The following CAPZA1 variants were observed in gnomAD, a reference collection of about 807,000 sequenced individuals.
CAPZA1 encodes the protein F-actin-capping protein subunit alpha-1.
CAPZA1 carries 10 observed loss-of-function variants against 40.8 expected under a neutral mutation model. The ratio of observed to expected loss-of-function variants is 0.25; its 90% CI spans 0.15 to 0.42. The LOEUF is 0.42. CAPZA1 is among the 10% of genes least tolerant of loss of function. CAPZA1 has a pLI of 1.00. For missense variants in CAPZA1, 277 were observed against 353.8 expected (o/e 0.78, Z 1.74); for synonymous variants, 98 against 115.0 (o/e 0.85, Z 0.95).
At chr1:112,661,526 G>C (rs1377575865) in intron 7 of CAPZA1, among the ~76,000 whole-genome samples, 1 of 152,110 alleles carries the variant, frequency 6.6e-6, no homozygotes, top group South Asian at 2.1e-4. Context: ...TTGTCTTGGG[G>C]TCTCCTTCTG....
At chr1:112,656,440 A>ATTTT (rs56343358) in intron 5 of CAPZA1, among the ~76,000 whole-genome samples, 14,200 of 45,300 alleles carry the variant, frequency 0.31, 4,780 homozygotes, top group East Asian at 0.65. Context: ...ATTATGTTTG[A>ATTTT]TTTTTTTTTT....
intron 5 of CAPZA1, among the ~76,000 whole-genome samples, chr1:112,657,807 G>T (rs1047262080): frequency 6.6e-6 from 1 of 152,104 alleles, no homozygotes; most frequent in African/African-American, 2.4e-5. Flanking sequence ...GGCCGGGCTG[G>T]TCTTGAACTC....
At chr1:112,647,139 T>A in intron 1 of CAPZA1, 71 bp from the exon 2 acceptor site, 1 of 717,940 alleles carries the variant, frequency 1.4e-6, no homozygotes, top group Non-Finnish European at 2.2e-6. Flanking sequence ...AATTTATAAT[T>A]TGTTAATTAT....
rs200967103 is a variant in CAPZA1, at chr1:112,667,063, G to A, written c.586-11G>A. ...CTTCCCCTAAAAAGGCTCAAACATT[G>A]TCTCACACAGGTTCACTATTATGAA... On this transcript the variant is annotated splice_polypyrimidine_tract_variant and intron_variant, in intron 7 of 9. Coordinates refer to ENST00000263168, the MANE Select transcript of CAPZA1 (RefSeq NM_006135.3). The A allele has an allele frequency of 5.6e-6, 9 of 1,603,170 alleles. No individual in the cohort carries two copies. Among genetic ancestry groups the A allele is most frequent in the African/African-American group, 2.7e-5 (2 of 74,620 alleles).
chr1:112,660,838 C>CTTTTTTTTTT, intron 7 of CAPZA1, among the ~76,000 whole-genome samples: 1 of 66,012 alleles, frequency 1.5e-5, no homozygotes, highest in African/African-American at 6.8e-5. Context: ...CAAGAGTTGT[C>CTTTTTTTTTT]TTTTTTTTTT....
At chr1:112,646,249 T>A (rs946591794) in intron 1 of CAPZA1, among the ~76,000 whole-genome samples, 1 of 152,258 alleles carries the variant, frequency 6.6e-6, no homozygotes, top group East Asian at 1.9e-4. Context: ...TGGTGAATAG[T>A]AGAGGTGATA....
intron 7 of CAPZA1, chr1:112,666,810 C>T (rs1020740107): frequency 4.9e-6 from 2 of 408,186 alleles, no homozygotes; most frequent in African/African-American, 4.1e-5. Flanking sequence ...TAGCACAGTG[C>T]TTAGAATGTG....
chr1:112,654,968 C>T (rs1671468925), intron 5 of CAPZA1, among the ~76,000 whole-genome samples: 1 of 151,410 alleles, frequency 6.6e-6, no homozygotes, highest in Admixed American at 6.6e-5. Flanking sequence ...TTCTTTTTTT[C>T]TTTCTTTTTT....
At chr1:112,647,421 A>G (rs1382141377) in intron 2 of CAPZA1, 148 bp downstream of exon 2, 1 of 434,398 alleles carries the variant, frequency 2.3e-6, no homozygotes, top group African/African-American at 2.0e-5. Flanking sequence ...AAGGTCCCCC[A>G]GTTAGTAAAT....
intron 2 of CAPZA1, among the ~76,000 whole-genome samples, chr1:112,648,310 TAG>T (rs1305551379): frequency 6.6e-6 from 1 of 151,832 alleles, no homozygotes; most frequent in Non-Finnish European, 1.5e-5. Context: ...TGTAAATTCT[TAG>T]TAACATTTTT....
chr1:112,642,202 C>CTTT (rs770352173), intron 1 of CAPZA1, among the ~76,000 whole-genome samples: 1,920 of 59,068 alleles, frequency 0.033, 197 homozygotes, highest in Middle Eastern at 0.069. Flanking sequence ...TACCCCGCAC[C>CTTT]TTTTTTTTTT....
At chr1:112,644,581 T>G (rs1276905386) in intron 1 of CAPZA1, among the ~76,000 whole-genome samples, 1 of 152,096 alleles carries the variant, frequency 6.6e-6, no homozygotes, top group Non-Finnish European at 1.5e-5. Context: ...TAAAATTGTT[T>G]GAAGGAAATA....
intron 3 of CAPZA1, among the ~76,000 whole-genome samples, chr1:112,653,333 G>A (rs1671434565): frequency 6.6e-6 from 1 of 152,164 alleles, no homozygotes; most frequent in African/African-American, 2.4e-5. Flanking sequence ...TAAGCAGAAG[G>A]TCTTTTGGAG....
chr1:112,628,813 T>A (rs890691323), intron 1 of CAPZA1, among the ~76,000 whole-genome samples: 13 of 152,240 alleles, frequency 8.5e-5, no homozygotes, highest in Admixed American at 6.5e-5. Flanking sequence ...AGTGTTATCT[T>A]TGACTACTAT....
intron 5 of CAPZA1, among the ~76,000 whole-genome samples, chr1:112,658,463 C>T (rs1289035463): frequency 3.9e-5 from 6 of 152,158 alleles, no homozygotes. Context: ...ATCCTGTGGC[C>T]TCCTAACCAA....
chr1:112,655,344 G>A (rs1570720238), intron 5 of CAPZA1, among the ~76,000 whole-genome samples: 1 of 152,060 alleles, frequency 6.6e-6, no homozygotes, highest in African/African-American at 2.4e-5. Context: ...GGATGTGGTG[G>A]TGCACACCTG....
chr1:112,667,034 T>G (rs779622989), intron 7 of CAPZA1, 40 bp from the exon 8 acceptor site: 32 of 1,454,380 alleles, frequency 2.2e-5, no homozygotes, highest in Non-Finnish European at 3.0e-5. Context: ...GGTTTCTCTA[T>G]GAACTTCCCC....
chr1:112,646,258 T>C (rs564980345), intron 1 of CAPZA1, among the ~76,000 whole-genome samples: 1 of 152,238 alleles, frequency 6.6e-6, no homozygotes, highest in East Asian at 1.9e-4. Context: ...GTAGAGGTGA[T>C]AGGAGTCATC....
chr1:112,630,162 C>T (rs1159136459), intron 1 of CAPZA1, among the ~76,000 whole-genome samples: 1 of 151,964 alleles, frequency 6.6e-6, no homozygotes, highest in African/African-American at 2.4e-5. Context: ...CCCACCTCAG[C>T]CTTTCTAATG....
Sources: allele counts gnomAD v4.1 joint callset (sites outside exome capture counted in the v4.1 genomes callset), GRCh38; gene constraint gnomAD v4.1.1; transcripts MANE v1.5; gene names NCBI Gene and HGNC (gene_info 2026-07-23, HGNC 2026-07-21).